The following VPS41 variants were observed in gnomAD, a reference collection of about 807,000 sequenced individuals.
VPS41 encodes the protein VPS41 subunit of HOPS complex.
Under a neutral mutation model 130.9 loss-of-function variants are expected in VPS41, and 85 were observed. The observed-to-expected ratio is 0.65, with a 90% CI of 0.55 to 0.78. The LOEUF (loss-of-function observed/expected upper bound fraction) is 0.78, where lower values mean the gene tolerates loss of function less well. VPS41 is among the 30% of genes least tolerant of loss of function. The pLI is 0.00. For missense variants in VPS41, 874 were observed against 1,018.7 expected (o/e 0.86, Z 1.93); for synonymous variants, 335 against 332.9 (o/e 1.01, Z -0.07).
chr7:38,760,374 A>G (rs1783885824), intron 17 of VPS41, among the ~76,000 whole-genome samples: 1 of 151,946 alleles, frequency 6.6e-6, no homozygotes, highest in Non-Finnish European at 1.5e-5. Context: ...TTTGTTCCCA[A>G]ACAGAGAGCT....
At chr7:38,876,057 T>C (rs900090655) in intron 2 of VPS41, among the ~76,000 whole-genome samples, 1 of 152,158 alleles carries the variant, frequency 6.6e-6, no homozygotes, top group Non-Finnish European at 1.5e-5. Flanking sequence ...GGACATTTAT[T>C]TGGCAATGTC....
At chr7:38,762,751 T>C (rs1324922609) in intron 17 of VPS41, among the ~76,000 whole-genome samples, 1 of 152,184 alleles carries the variant, frequency 6.6e-6, no homozygotes, top group Non-Finnish European at 1.5e-5. Flanking sequence ...AGGTAAAACA[T>C]GAACTATTTA....
intron 4 of VPS41, among the ~76,000 whole-genome samples, chr7:38,837,035 C>G (rs1785510492): frequency 6.6e-6 from 1 of 152,098 alleles, no homozygotes; most frequent in African/African-American, 2.4e-5. Context: ...TTTCTAAAAG[C>G]AAAGCATCTA....
At chr7:38,729,616 C>A (rs1795617672) in intron 25 of VPS41, among the ~76,000 whole-genome samples, 1 of 152,174 alleles carries the variant, frequency 6.6e-6, no homozygotes, top group Non-Finnish European at 1.5e-5. Context: ...TCCCTTCCTG[C>A]CTGGAGAATG....
intron 11 of VPS41, chr7:38,775,399 A>G (rs1430047085): frequency 6.6e-6 from 1 of 151,780 alleles, no homozygotes. Flanking sequence ...CCCTTCAAAT[A>G]CTCTTTTATT....
intron 4 of VPS41, among the ~76,000 whole-genome samples, chr7:38,858,786 C>T (rs1235443081): frequency 6.6e-6 from 1 of 152,060 alleles, no homozygotes; most frequent in Non-Finnish European, 1.5e-5. Context: ...CTACATAATA[C>T]GTGATAATGA....
At chr7:38,788,290 A>G (rs778622039) in intron 10 of VPS41, among the ~76,000 whole-genome samples, 4 of 152,208 alleles carry the variant, frequency 2.6e-5, no homozygotes, top group Non-Finnish European at 4.4e-5. Flanking sequence ...GGTTCTGTAG[A>G]GTTAGATTCT....
chr7:38,819,133 T>G (rs908055855), intron 6 of VPS41, among the ~76,000 whole-genome samples: 3 of 152,220 alleles, frequency 2.0e-5, no homozygotes, highest in African/African-American at 7.2e-5. Context: ...ACACATTATG[T>G]TACCCTTTTC....
intron 10 of VPS41, among the ~76,000 whole-genome samples, chr7:38,778,759 G>A (rs1784305378): frequency 6.6e-6 from 1 of 152,262 alleles, no homozygotes; most frequent in African/African-American, 2.4e-5. Context: ...AATCACAAAA[G>A]AAGGGGTGGG....
At chr7:38,874,494 C>T (rs1368439747) in intron 2 of VPS41, among the ~76,000 whole-genome samples, 1 of 152,182 alleles carries the variant, frequency 6.6e-6, no homozygotes, top group Middle Eastern at 3.2e-3. Context: ...TCATCCTCTC[C>T]AGCTTCACCT....
intron 1 of VPS41, among the ~76,000 whole-genome samples, chr7:38,905,784 G>T (rs7782927): frequency 0.26 from 39,966 of 151,904 alleles, 6,505 homozygotes; most frequent in Non-Finnish European, 0.38. Flanking sequence ...ATTTTTGGGG[G>T]TTTTTTTGTT....
chr7:38,848,382 C>T (rs1383455745), intron 4 of VPS41, among the ~76,000 whole-genome samples: 4 of 152,122 alleles, frequency 2.6e-5, no homozygotes, highest in Non-Finnish European at 4.4e-5. Flanking sequence ...GTCGCAGAAG[C>T]TTCTCTTTTT....
intron 7 of VPS41, among the ~76,000 whole-genome samples, chr7:38,802,610 A>C (rs1354913790): frequency 1.3e-5 from 2 of 152,232 alleles, no homozygotes; most frequent in East Asian, 3.8e-4. Context: ...TCTGACAAGA[A>C]TGCCAAGGAA....
At chr7:38,867,736 C>A (rs894859378) in intron 3 of VPS41, among the ~76,000 whole-genome samples, 1 of 151,966 alleles carries the variant, frequency 6.6e-6, no homozygotes, top group Admixed American at 6.6e-5. Context: ...AAGAAACTGA[C>A]AAAGGACAAA....
chr7:38,874,800 G>C (rs533129352), intron 2 of VPS41, among the ~76,000 whole-genome samples: 18 of 152,044 alleles, frequency 1.2e-4, no homozygotes, highest in Non-Finnish European at 2.1e-4. Flanking sequence ...TCTTCCTCTA[G>C]AACATTCTTT....
intron 7 of VPS41, among the ~76,000 whole-genome samples, chr7:38,797,499 G>A (rs1019224745): frequency 3.3e-5 from 5 of 152,018 alleles, no homozygotes; most frequent in African/African-American, 4.8e-5. Context: ...AAACCTCTAC[G>A]ATTAATAAAG....
At chr7:38,805,492 C>A (rs1784822741) in intron 7 of VPS41, among the ~76,000 whole-genome samples, 1 of 151,614 alleles carries the variant, frequency 6.6e-6, no homozygotes, top group East Asian at 1.9e-4. Flanking sequence ...GAGATCGCGC[C>A]ACTGCACTCC....
At chr7:38,817,604 C>T (rs983888469) in intron 7 of VPS41, among the ~76,000 whole-genome samples, 1 of 152,158 alleles carries the variant, frequency 6.6e-6, no homozygotes, top group African/African-American at 2.4e-5. Context: ...GGCGACAGAG[C>T]AAGACTCCGT....
At chr7:38,800,416 T>C (rs151211249) in intron 7 of VPS41, among the ~76,000 whole-genome samples, 15 of 152,334 alleles carry the variant, frequency 9.8e-5, no homozygotes, top group African/African-American at 3.4e-4. Context: ...TTTATAATTA[T>C]TCTGCACTAA....
Sources: gnomAD v4.1 joint callset for allele counts (sites outside exome capture counted in the v4.1 genomes callset) on GRCh38, gnomAD v4.1.1 for gene constraint, MANE v1.5 for transcripts, NCBI Gene and HGNC (gene_info 2026-07-23, HGNC 2026-07-21) for gene names.